MSRA: variants seen among roughly 807,000 people sequenced by gnomAD.
MSRA encodes the protein mitochondrial peptide methionine sulfoxide reductase.
A neutral mutation model predicts 31.3 loss-of-function variants in MSRA; 54 were observed. The observed-to-expected ratio is 1.73, with a 90% CI of 1.39 to 2.17. MSRA has a LOEUF of 2.17. MSRA is among the 30% of genes most tolerant of loss of function. MSRA has a pLI of 0.00. For missense variants in MSRA, 507 were observed against 300.9 expected (o/e 1.69, Z -5.07); for synonymous variants, 169 against 116.5 (o/e 1.45, Z -2.90).
At chr8:10,151,537 C>A (rs1243713849) in intron 1 of MSRA, among the ~76,000 whole-genome samples, 1 of 152,100 alleles carries the variant, frequency 6.6e-6, no homozygotes, top group African/African-American at 2.4e-5. Context: ...GTAGTCCCAG[C>A]TACTCGGGAG....
At chr8:10,339,531 CTTTTTTTTTT>C (rs774034241) in intron 5 of MSRA, among the ~76,000 whole-genome samples, 21,744 of 72,980 alleles carry the variant, frequency 0.3, 1,831 homozygotes, top group South Asian at 0.4. Context: ...TTCTTTCTTT[CTTTTTTTTTT>C]TTTTTTTTTT....
chr8:10,303,467 A>AAG (rs1800957663), intron 4 of MSRA, among the ~76,000 whole-genome samples: 2 of 152,066 alleles, frequency 1.3e-5, no homozygotes, highest in Non-Finnish European at 2.9e-5. Flanking sequence ...TAATGGTGGC[A>AAG]TCTCTGGGGT....
chr8:10,180,362 C>G (rs776548796), intron 1 of MSRA, among the ~76,000 whole-genome samples: 1 of 152,228 alleles, frequency 6.6e-6, no homozygotes, highest in Non-Finnish European at 1.5e-5. Context: ...CCCTCCCTCA[C>G]AGCACCGTGA....
rs367543620 is a variant in MSRA at position 10,393,306 on chromosome 8, A to T, written c.544-34842A>T. 2.2e-4 allele frequency among the ~76,000 whole-genome samples: 33 copies of T among 152,272 alleles called. No individual in the cohort carries two copies. The East Asian group carries it at 6.2e-3, about 29-fold the overall frequency. On this transcript the variant is annotated intron_variant, in intron 5 of 5. Transcript: ENST00000317173. ...CCATTGGCTGGGCATGTTTTACTGC[A>T]TTATTCTTCCATCGAATTTTCCATA...
intron 1 of MSRA, among the ~76,000 whole-genome samples, chr8:10,055,760 G>A (rs1483822366): frequency 6.6e-6 from 1 of 152,234 alleles, no homozygotes; most frequent in Non-Finnish European, 1.5e-5. Flanking sequence ...GAGGATAGGA[G>A]GAGGTCATAT....
At chr8:10,103,478 G>C (rs1437730090) in intron 1 of MSRA, among the ~76,000 whole-genome samples, 1 of 152,082 alleles carries the variant, frequency 6.6e-6, no homozygotes, top group South Asian at 2.1e-4. Context: ...AACTCTAAAG[G>C]TTGACTTTTC....
chr8:10,247,372 A>T (rs1265107625), intron 3 of MSRA, among the ~76,000 whole-genome samples: 2 of 152,204 alleles, frequency 1.3e-5, no homozygotes, highest in Non-Finnish European at 2.9e-5. Flanking sequence ...CCCAGCTGTC[A>T]TCATATCCCA....
chr8:10,318,174 G>A (rs1400709093), intron 4 of MSRA, among the ~76,000 whole-genome samples: 1 of 152,158 alleles, frequency 6.6e-6, no homozygotes, highest in Non-Finnish European at 1.5e-5. Flanking sequence ...TTTGGTGTCG[G>A]GGCCATCAAA....
intron 4 of MSRA, among the ~76,000 whole-genome samples, chr8:10,314,603 T>G (rs1380296399): frequency 1.3e-5 from 2 of 152,208 alleles, no homozygotes; most frequent in Non-Finnish European, 2.9e-5. Context: ...CAGCATGTAC[T>G]TAAGTTGAAG....
chr8:10,067,234 T>G lies in MSRA; in HGVS notation c.142+12576T>G, dbSNP rs367905618. Among the ~76,000 whole-genome samples, 5 of 152,340 alleles carry G rather than the reference T, an allele frequency of 3.3e-5. No individual in the cohort carries two copies. The South Asian group carries it at 6.2e-4, about 19-fold the overall frequency. ...AACTTTTTTTATTGTCTCCATAGTC[T>G]TTGCTTTTTCCAGAATGTCATATAT... On this transcript the variant is annotated intron_variant, in intron 1 of 5. Coordinates refer to ENST00000317173, the MANE Select transcript of MSRA (RefSeq NM_012331.5).
At chr8:10,110,327 A>G (rs1461085012) in intron 1 of MSRA, among the ~76,000 whole-genome samples, 1 of 152,098 alleles carries the variant, frequency 6.6e-6, no homozygotes, top group East Asian at 1.9e-4. Flanking sequence ...GATATTTTCA[A>G]GAGTGTGGAT....
chr8:10,192,697 T>C (rs753460332), intron 1 of MSRA, among the ~76,000 whole-genome samples: 1 of 152,186 alleles, frequency 6.6e-6, no homozygotes, highest in African/African-American at 2.4e-5. Flanking sequence ...TTGACCAGTA[T>C]GTAAGGGTAT....
chr8:10,098,249 A>G (rs1265372669), intron 1 of MSRA, among the ~76,000 whole-genome samples: 1 of 152,140 alleles, frequency 6.6e-6, no homozygotes, highest in Non-Finnish European at 1.5e-5. Flanking sequence ...ATCTCACCTC[A>G]TAATTATGGT....
At chr8:10,241,502 T>A (rs1448665019) in intron 2 of MSRA, among the ~76,000 whole-genome samples, 1 of 152,224 alleles carries the variant, frequency 6.6e-6, no homozygotes, top group Non-Finnish European at 1.5e-5. Flanking sequence ...GAAGACACTA[T>A]GTAAATGGAT....
intron 5 of MSRA, among the ~76,000 whole-genome samples, chr8:10,385,951 A>G (rs1467355206): frequency 2.0e-5 from 3 of 152,154 alleles, no homozygotes; most frequent in Non-Finnish European, 2.9e-5. Flanking sequence ...ACCAGGAAAG[A>G]AAAAGGTGGC....
intron 5 of MSRA, among the ~76,000 whole-genome samples, chr8:10,371,655 C>T (rs1285315909): frequency 3.3e-5 from 5 of 152,182 alleles, no homozygotes; most frequent in Admixed American, 1.3e-4. Flanking sequence ...CCTCCACCTA[C>T]CGCCTGTTAG....
intron 1 of MSRA, among the ~76,000 whole-genome samples, chr8:10,118,627 G>A (rs1454802273): frequency 6.6e-6 from 1 of 152,066 alleles, no homozygotes; most frequent in Non-Finnish European, 1.5e-5. Flanking sequence ...CTGGGCTCCA[G>A]CATTTGACTC....
At chr8:10,205,142 G>A (rs960502868) in intron 1 of MSRA, among the ~76,000 whole-genome samples, 1 of 152,176 alleles carries the variant, frequency 6.6e-6, no homozygotes, top group Non-Finnish European at 1.5e-5. Flanking sequence ...CTTGGAGTTT[G>A]TGTCACATGA....
intron 5 of MSRA, among the ~76,000 whole-genome samples, chr8:10,408,642 A>G (rs1807967231): frequency 6.6e-6 from 1 of 152,346 alleles, no homozygotes; most frequent in Admixed American, 6.5e-5. Context: ...GCATGCATAC[A>G]TTGTGTAGTG....
Sources: gnomAD v4.1 joint callset for allele counts (sites outside exome capture counted in the v4.1 genomes callset) on GRCh38, gnomAD v4.1.1 for gene constraint, MANE v1.5 for transcripts, NCBI Gene and HGNC (gene_info 2026-07-23, HGNC 2026-07-21) for gene names.